The following TP53BP2 variants were observed in gnomAD, a reference collection of about 807,000 sequenced individuals.
TP53BP2 encodes apoptosis-stimulating of p53 protein 2.
A neutral mutation model predicts 126.2 loss-of-function variants in TP53BP2; 62 were observed. The observed-to-expected ratio is 0.49, with a 90% CI of 0.40 to 0.61. The LOEUF (loss-of-function observed/expected upper bound fraction) is 0.61. Among genes scored for constraint, TP53BP2 ranks in the 20% least tolerant of loss-of-function variants. TP53BP2 has a pLI of 0.00. For synonymous variants in TP53BP2, 485 were observed against 502.9 expected, an observed-to-expected ratio of 0.96 and a Z score of 0.48; for missense variants, 1,215 against 1,402.8, an observed-to-expected ratio of 0.87 and a Z score of 2.14.
At chr1:223,838,448 C>T (rs1455098635) in intron 1 of TP53BP2, among the ~76,000 whole-genome samples, 1 of 152,200 alleles carries the variant, frequency 6.6e-6, no homozygotes, top group Non-Finnish European at 1.5e-5. Context: ...AATTACTGCT[C>T]CCTACTACAC....
Position 223,831,478 on chromosome 1 carries a change from AAAATATATATAT to A in TP53BP2, c.28-10123_28-10112del, listed in dbSNP as rs1231575891. Among the ~76,000 whole-genome samples, 96 of 43,612 alleles carry A rather than the reference AAAATATATATAT, an allele frequency of 2.2e-3. 3 individuals are homozygous for A. Among genetic ancestry groups the A allele is most frequent in the African/African-American group, 5.9e-3 (79 of 13,392 alleles). The allele number at this position is 43,612 out of a possible 152,430, so 28.6% of individuals were successfully genotyped here. On this transcript the variant is annotated intron_variant, in intron 1 of 17. Transcript: ENST00000343537. ...CATATGTACCATCTAAAAAAAAAAA[AAAATATATATAT>A]ATATATATATATATATATATATATA...
At chr1:223,803,104 G>A in intron 7 of TP53BP2, 167 bp downstream of exon 7, 1 of 959,344 alleles carries the variant, frequency 1.0e-6, no homozygotes, top group East Asian at 2.4e-5. Context: ...TTCCTGTCTA[G>A]GGTACTATAA....
chr1:223,812,808 C>T (rs183350506), intron 3 of TP53BP2, among the ~76,000 whole-genome samples: 26 of 152,244 alleles, frequency 1.7e-4, no homozygotes, highest in Admixed American at 1.6e-3. Context: ...GTGATCCTCC[C>T]GCCTCGTCCT....
At chr1:223,807,893 A>C (rs1236428218) in intron 4 of TP53BP2, among the ~76,000 whole-genome samples, 1 of 152,202 alleles carries the variant, frequency 6.6e-6, no homozygotes, top group Non-Finnish European at 1.5e-5. Flanking sequence ...ATCTCAACTG[A>C]AACCCAAACA....
chr1:223,805,912 G>A (rs1212303306), intron 5 of TP53BP2, among the ~76,000 whole-genome samples: 1 of 152,200 alleles, frequency 6.6e-6, no homozygotes, highest in Non-Finnish European at 1.5e-5. Flanking sequence ...AGTTTGCAAA[G>A]CCCAAAATAT....
chr1:223,807,683 A>T (rs1217790184), intron 4 of TP53BP2, among the ~76,000 whole-genome samples: 2 of 152,266 alleles, frequency 1.3e-5, no homozygotes, highest in East Asian at 3.9e-4. Flanking sequence ...GAAATTTAAA[A>T]TTTTTAAATT....
intron 1 of TP53BP2, among the ~76,000 whole-genome samples, chr1:223,827,570 T>C (rs1307495275): frequency 1.3e-5 from 2 of 152,142 alleles, no homozygotes; most frequent in East Asian, 1.9e-4. Flanking sequence ...GCAGAGCAAA[T>C]GGAGCCATCT....
intron 15 of TP53BP2, among the ~76,000 whole-genome samples, chr1:223,789,836 T>C (rs1031932107): frequency 6.6e-6 from 1 of 152,166 alleles, no homozygotes; most frequent in African/African-American, 2.4e-5. Context: ...AGATTATAAA[T>C]GACCCTAGAG....
At position 223,796,343 on chromosome 1, in the gene TP53BP2, A is replaced by C; in HGVS notation, c.2196T>G (p.Ser732=). ...ADLEALRKKL[S]NAPRPLKKRS... The stretch of plus-strand genomic sequence containing the variant: ...GTTTCTTTAGAGGCCTTGGTGCGTT[A>C]GACAGTTTCTTTCGTAAGGCTTCTA... The change falls in exon 13 of 18, where the codon TCT becomes TCG. Residue 732 remains serine (S), a synonymous_variant. Transcript: ENST00000343537. The surrounding 1 kb of genome is among the most constrained non-coding windows in gnomAD (Gnocchi z 4.2). The C allele has an allele frequency of 6.2e-7, 1 of 1,614,146 alleles. No homozygotes were observed. Among genetic ancestry groups the C allele is most frequent in the Non-Finnish European group, 8.5e-7 (1 of 1,180,012 alleles).
chr1:223,816,926 G>A (rs1663105368), intron 2 of TP53BP2, among the ~76,000 whole-genome samples: 1 of 151,140 alleles, frequency 6.6e-6, no homozygotes, highest in African/African-American at 2.4e-5. Flanking sequence ...TTGGAAGGCT[G>A]AGGCTGGAGG....
intron 2 of TP53BP2, among the ~76,000 whole-genome samples, chr1:223,815,336 C>G (rs992966834): frequency 5.9e-5 from 9 of 152,190 alleles, no homozygotes; most frequent in Admixed American, 2.6e-4. Flanking sequence ...ACATAACATA[C>G]TGAGTTGACA....
chr1:223,828,340 C>T (rs1663573027), intron 1 of TP53BP2, among the ~76,000 whole-genome samples: 1 of 152,110 alleles, frequency 6.6e-6, no homozygotes, highest in Admixed American at 6.5e-5. Context: ...AGTAGTTATG[C>T]CCTGGTGGTG....
intron 1 of TP53BP2, among the ~76,000 whole-genome samples, chr1:223,831,487 ATATATATATATAT>A (rs1663728526): frequency 1.9e-5 from 1 of 52,684 alleles, no homozygotes; most frequent in South Asian, 4.5e-4. Flanking sequence ...AAAAATATAT[ATATATATATATAT>A]ATATATATAT....
intron 1 of TP53BP2, among the ~76,000 whole-genome samples, chr1:223,837,756 C>T (rs1357685160): frequency 6.6e-6 from 1 of 152,160 alleles, no homozygotes; most frequent in African/African-American, 2.4e-5. Context: ...AGTGAGCTTT[C>T]CTAATCAATC....
At chr1:223,805,601 G>C (rs1206582676) in intron 5 of TP53BP2, among the ~76,000 whole-genome samples, 1 of 152,232 alleles carries the variant, frequency 6.6e-6, no homozygotes, top group Non-Finnish European at 1.5e-5. Flanking sequence ...ACACTGCCTT[G>C]AGAACTGCCT....
intron 17 of TP53BP2, among the ~76,000 whole-genome samples, chr1:223,781,660 AAG>A (rs911599677): frequency 3.4e-4 from 51 of 152,188 alleles, no homozygotes; most frequent in African/African-American, 1.2e-3. Flanking sequence ...TAATTTTAAA[AAG>A]AGTCAGACTT....
chr1:223,798,353 A>C lies in TP53BP2; in HGVS notation c.1810T>G (p.Phe604Val), dbSNP rs748019384. 11 of 1,613,992 alleles carry C rather than the reference A, an allele frequency of 6.8e-6. No individual in the cohort carries two copies. In the African/African-American group the frequency reaches 1.5e-4, roughly 22 times the overall value. Residue 604 changes from phenylalanine to valine, a missense_variant, in exon 12 of 18, where the codon TTC becomes GTC. By Grantham distance (50) the Phe-to-Val change is conservative (BLOSUM62 -1). Around this residue, in one of 4 missense-constraint regions of TP53BP2, gnomAD observed 814 missense variants for 853.0 expected, o/e 0.95. Coordinates refer to ENST00000343537, the MANE Select transcript of TP53BP2 (RefSeq NM_001031685.3). Reference sequence around the variant, plus strand: ...GCTGCCACGGTCTGGGGTTTTCTGAAGGGTGGAAGTAAGGTGTCTTTGGAA... The same window carrying C: ...GCTGCCACGGTCTGGGGTTTTCTGACGGGTGGAAGTAAGGTGTCTTTGGAA... ...QPSKDTLLPP[F>V]RKPQTVAASS...
chr1:223,838,642 T>C (rs1664001797), intron 1 of TP53BP2, among the ~76,000 whole-genome samples: 1 of 152,236 alleles, frequency 6.6e-6, no homozygotes, highest in South Asian at 2.1e-4. Flanking sequence ...GCTCCTTTCC[T>C]ATTAGGGTGA....
intron 3 of TP53BP2, among the ~76,000 whole-genome samples, chr1:223,812,079 AG>A (rs1178779931): frequency 1.3e-5 from 2 of 152,000 alleles, no homozygotes; most frequent in African/African-American, 4.8e-5. Context: ...AAAAAAAAAA[AG>A]AAAAAAGCCT....
Sources: allele counts gnomAD v4.1 joint callset (sites outside exome capture counted in the v4.1 genomes callset), GRCh38; gene constraint gnomAD v4.1.1; regional missense constraint gnomAD v4.1.1; non-coding constraint Gnocchi (gnomAD v3.1); transcripts MANE v1.5; gene names NCBI Gene and HGNC (gene_info 2026-07-23, HGNC 2026-07-21).